ICE1: variants seen among roughly 807,000 people sequenced by gnomAD.
ICE1 encodes little elongation complex subunit 1.
ICE1 carries 64 observed loss-of-function variants against 192.7 expected under a neutral mutation model. The ratio of observed to expected loss-of-function variants is 0.33; its 90% CI spans 0.27 to 0.41. ICE1 has a LOEUF of 0.41. ICE1 is among the 10% of genes least tolerant of loss of function. The probability of loss-of-function intolerance (pLI) is 1.00; values close to 1 mark genes in which losing one functional copy is unlikely to be tolerated. For missense variants in ICE1, 2,708 were observed against 2,696.0 expected (o/e 1.00, Z -0.10); for synonymous variants, 1,010 against 984.5 (o/e 1.03, Z -0.49).
chr5:5,479,834 A>G (rs1453898205), intron 17 of ICE1, among the ~76,000 whole-genome samples: 1 of 152,184 alleles, frequency 6.6e-6, no homozygotes, highest in Non-Finnish European at 1.5e-5. Context: ...GCAAACTAAC[A>G]CAGGAACAGA....
chr5:5,483,167 G>T (rs958867993), intron 17 of ICE1, among the ~76,000 whole-genome samples: 4 of 151,492 alleles, frequency 2.6e-5, no homozygotes, highest in African/African-American at 9.7e-5. Flanking sequence ...ATTTTTTGTT[G>T]TTTTTTTTAG....
intron 3 of ICE1, chr5:5,437,657 C>T (rs77763111): frequency 0.05 from 7,649 of 152,606 alleles, 635 homozygotes; most frequent in East Asian, 0.35. Context: ...ACCACTTGTT[C>T]GGTAGCCATT....
chr5:5,463,017 C>T lies in ICE1; in HGVS notation c.3683C>T (p.Thr1228Ile). 1 of 1,613,798 alleles carries T rather than the reference C, an allele frequency of 6.2e-7. No homozygotes were observed. Among genetic ancestry groups the T allele is most frequent in the Non-Finnish European group, 8.5e-7 (1 of 1,179,854 alleles). ...KYRKQPCEEE[T>I]LGTCEEWIES... ...AGAAAGCAACCCTGTGAGGAAGAAA[C>T]ACTTGGAACCTGTGAAGAGTGGATT... Residue 1228 changes from threonine (T) to isoleucine (I), a missense_variant, in exon 13 of 19, where the codon ACA becomes ATA. Coordinates refer to ENST00000296564, the MANE Select transcript of ICE1 (RefSeq NM_015325.3).
intron 7 of ICE1, among the ~76,000 whole-genome samples, chr5:5,445,698 G>A (rs1261882410): frequency 6.6e-6 from 1 of 151,674 alleles, no homozygotes; most frequent in Non-Finnish European, 1.5e-5. Flanking sequence ...ACAGGTGTGA[G>A]CCACTGCACC....
intron 10 of ICE1, among the ~76,000 whole-genome samples, chr5:5,454,336 A>G (rs563605833): frequency 7.2e-5 from 11 of 152,262 alleles, no homozygotes; most frequent in Admixed American, 2.6e-4. Context: ...TTTTTAAAAA[A>G]GCAAACAAAA....
rs749907457 is a variant in ICE1, at chr5:5,476,047, ATAT to A, written c.6495_6497del (p.Ile2166del). On this transcript the variant is annotated inframe_deletion, in exon 17 of 19. Coordinates refer to ENST00000296564, the MANE Select transcript of ICE1 (RefSeq NM_015325.3). ...CATGCAAACATTGCGTATACTCCTG[ATAT>A]TATTATAGCCTCAATACTGAGGCTG... 6.8e-6 allele frequency: 11 copies of A among 1,608,020 alleles called. No individual in the cohort carries two copies. Among genetic ancestry groups the A allele is most frequent in the Admixed American group, 1.7e-5 (1 of 59,632 alleles).
chr5:5,477,246 C>A (rs575868525), intron 17 of ICE1, among the ~76,000 whole-genome samples: 1 of 151,684 alleles, frequency 6.6e-6, no homozygotes, highest in Admixed American at 6.6e-5. Context: ...ACTAGCCAGA[C>A]TAATAAAGAA....
At position 5,457,359 on chromosome 5, in the gene ICE1, C is replaced by G; in HGVS notation, c.719C>G (p.Ser240Cys). 1 of 1,611,766 alleles carries G rather than the reference C, an allele frequency of 6.2e-7. No individual in the cohort carries two copies. The highest frequency in any genetic ancestry group is 8.5e-7 in the Non-Finnish European group (1 of 1,178,692). Residue 240 changes from serine (S) to cysteine (C), a missense_variant, in exon 12 of 19, where the codon TCC (serine) becomes TGC (cysteine). By Grantham distance (112) the Ser-to-Cys change is moderately radical. This residue lies in a region of ICE1 where 2,366 missense variants were observed against 2,276.6 expected (regional missense o/e 1.04). Transcript: ENST00000296564. Reference sequence around the variant, plus strand: ...AAACCTGCCAAAGCAATCACCAGCTCCAGAGTGCCTGGGGAAGATGGTACG... The same window carrying G: ...AAACCTGCCAAAGCAATCACCAGCTGCAGAGTGCCTGGGGAAGATGGTACG... ...PEKPAKAITSSRVPGEDGTLP... is the reference protein window; with the variant it reads ...PEKPAKAITSCRVPGEDGTLP...
In ICE1 at chr5:5,463,331, A is replaced by G; in HGVS notation, c.3997A>G (p.Ile1333Val). The G allele has an allele frequency of 1.2e-6, 2 of 1,613,698 alleles. No individual in the cohort carries two copies. Among genetic ancestry groups the G allele is most frequent in the Non-Finnish European group, 1.7e-6 (2 of 1,179,794 alleles). Residue 1333 changes from isoleucine (I) to valine (V), a missense_variant, in exon 13 of 19, where the codon ATC (isoleucine) becomes GTC (valine). By Grantham distance (29) the Ile-to-Val change is conservative. This residue lies in a region of ICE1 where 2,366 missense variants were observed against 2,276.6 expected (regional missense o/e 1.04). Coordinates refer to ENST00000296564, the MANE Select transcript of ICE1 (RefSeq NM_015325.3). ...AALDTEGSSP[I>V]SGMPQNENPQ... ...CTTGGACACTGAGGGCAGCTCTCCC[A>G]TCAGCGGTATGCCTCAGAATGAAAA...
At chr5:5,483,384 C>T (rs556114376) in intron 17 of ICE1, among the ~76,000 whole-genome samples, 5 of 152,254 alleles carry the variant, frequency 3.3e-5, no homozygotes, top group East Asian at 1.9e-4. Context: ...GTGAGACTTG[C>T]GTTATCTAAT....
At chr5:5,481,171 A>C (rs1257877274) in intron 17 of ICE1, among the ~76,000 whole-genome samples, 1 of 152,148 alleles carries the variant, frequency 6.6e-6, no homozygotes, top group Non-Finnish European at 1.5e-5. Context: ...ATCTTTTTTG[A>C]GAGTTAAAAA....
chr5:5,423,050 G>A, intron 1 of ICE1, 51 bp downstream of exon 1: 1 of 1,262,226 alleles, frequency 7.9e-7, no homozygotes, highest in Non-Finnish European at 1.0e-6. Flanking sequence ...GGCTCGGCCG[G>A]CCGGGAGCGC....
intron 8 of ICE1, 29 bp downstream of exon 8, chr5:5,447,538 C>A: frequency 6.7e-7 from 1 of 1,496,386 alleles, no homozygotes; most frequent in South Asian, 1.2e-5. Context: ...ATACACACAC[C>A]TTAAATACGT....
chr5:5,464,218 G>A lies in ICE1; in HGVS notation c.4884G>A (p.Val1628=). Residue 1628 remains valine (V), a synonymous_variant, in exon 13 of 19, where the codon GTG becomes GTA. Transcript: ENST00000296564. This position sits in a 1 kb window ranked among gnomAD's most constrained non-coding sequence, Gnocchi z 4.0. ...CACTGAGTAAAATACGGCAAGAGGT[G>A]GGGCCTCCTTTGCCGCCTCTGCTTG... is the stretch of plus-strand genomic sequence containing the variant. ...PDTLSKIRQE[V]GPPLPPLLAP... 1.2e-6 allele frequency: 2 copies of A among 1,613,492 alleles called. No homozygotes were observed. The highest frequency in any genetic ancestry group is 1.7e-6 in the Non-Finnish European group (2 of 1,179,818).
Position 5,462,230 on chromosome 5 carries a change from A to C in ICE1, c.2896A>C (p.Ile966Leu). 1 of 1,610,846 alleles carries C rather than the reference A, an allele frequency of 6.2e-7. No homozygotes were observed. The highest frequency in any genetic ancestry group is 8.5e-7 in the Non-Finnish European group (1 of 1,178,074). The change falls in exon 13 of 19, where the codon ATC becomes CTC. Residue 966 changes from isoleucine to leucine, a missense_variant. Ile to Leu is a conservative substitution (Grantham distance 5, BLOSUM62 2). Transcript: ENST00000296564. The stretch of plus-strand genomic sequence containing the variant: ...ATCTTTCTCTCCTGAAAATATCCTC[A>C]TCCAAAACCAAGACATTGTGAGAGA... ...RLSFSPENIL[I>L]QNQDIVREAA...
chr5:5,488,119 T>C (rs1437303282), intron 18 of ICE1, among the ~76,000 whole-genome samples: 3 of 152,232 alleles, frequency 2.0e-5, no homozygotes, highest in Non-Finnish European at 4.4e-5. Context: ...GGCCTTACTG[T>C]GTGCCCCGTG....
rs1319410423 is a variant in ICE1, at chr5:5,463,170, G to A, written c.3836G>A (p.Gly1279Asp). The A allele has an allele frequency of 3.7e-6, 6 of 1,612,026 alleles. No individual in the cohort carries two copies. The highest frequency in any genetic ancestry group is 4.2e-6 in the Non-Finnish European group (5 of 1,179,126). The change falls in exon 13 of 19, where the codon GGT becomes GAT. Residue 1279 changes from glycine (G) to aspartate (D), a missense_variant. Physicochemically the swap from Gly to Asp is moderately conservative, Grantham distance 94. Coordinates refer to ENST00000296564, the MANE Select transcript of ICE1 (RefSeq NM_015325.3). ...ELQTNSEDCN[G>D]KDTGSLLLLN... ...CAAACAAATTCTGAAGATTGCAATG[G>A]TAAAGATACTGGCAGTTTATTGCTC...
intron 1 of ICE1, among the ~76,000 whole-genome samples, chr5:5,434,919 A>G (rs76932970): frequency 2.1e-3 from 315 of 152,302 alleles, no homozygotes; most frequent in African/African-American, 7.0e-3. Flanking sequence ...AAAAATGTCT[A>G]TTGACTATTC....
intron 11 of ICE1, among the ~76,000 whole-genome samples, chr5:5,455,589 T>G (rs1725573131): frequency 6.6e-6 from 1 of 152,252 alleles, no homozygotes; most frequent in African/African-American, 2.4e-5. Context: ...ATGTTTGTAT[T>G]TAAAAATATG....
Sources: allele counts gnomAD v4.1 joint callset (sites outside exome capture counted in the v4.1 genomes callset), GRCh38; gene constraint gnomAD v4.1.1; regional missense constraint gnomAD v4.1.1; non-coding constraint Gnocchi (gnomAD v3.1); transcripts MANE v1.5; gene names NCBI Gene and HGNC (gene_info 2026-07-23, HGNC 2026-07-21).